Variants in PPP2R2B observed in about 807,000 individuals in gnomAD.
PPP2R2B encodes the protein protein phosphatase 2 regulatory subunit Bbeta.
Under a neutral mutation model 46.0 loss-of-function variants are expected in PPP2R2B, and 5 were observed. The observed-to-expected ratio is 0.11, with a 90% confidence interval of 0.06 to 0.23. The LOEUF is 0.23. Ranked by LOEUF, PPP2R2B falls within the 10% of genes least tolerant of loss-of-function variation. The pLI, the probability that PPP2R2B is intolerant of heterozygous loss-of-function variation, is 1.00. For missense variants in PPP2R2B, 367 were observed against 575.0 expected (o/e 0.64, Z 3.70); for synonymous variants, 215 against 206.7 (o/e 1.04, Z -0.34).
exon 1 of PPP2R2B, chr5:147,055,771 TA>T (rs1444450514): frequency 6.3e-7 from 1 of 1,582,286 alleles, no homozygotes. Flanking sequence ...AAAATCTAAA[TA>T]AAAAAACAGT....
intron 2 of PPP2R2B, among the ~76,000 whole-genome samples, chr5:146,725,708 A>T (rs1391131345): frequency 6.6e-6 from 1 of 152,222 alleles, no homozygotes; most frequent in Non-Finnish European, 1.5e-5. Context: ...CTAAAGCTAA[A>T]TAACTGGCCT....
At chr5:146,677,238 C>T (rs889512183) in intron 5 of PPP2R2B, among the ~76,000 whole-genome samples, 2 of 152,118 alleles carry the variant, frequency 1.3e-5, no homozygotes, top group East Asian at 1.9e-4. Flanking sequence ...TGGATGTTTT[C>T]GCATTAAATA....
At chr5:146,800,720 T>C (rs1273668112) in intron 2 of PPP2R2B, among the ~76,000 whole-genome samples, 2 of 151,946 alleles carry the variant, frequency 1.3e-5, no homozygotes, top group African/African-American at 2.4e-5. Flanking sequence ...TTCGGTCTAA[T>C]CAGCTGTGCT....
At chr5:146,704,731 A>T (rs976361407) in intron 2 of PPP2R2B, among the ~76,000 whole-genome samples, 53 of 150,716 alleles carry the variant, frequency 3.5e-4, no homozygotes, top group African/African-American at 1.3e-3. Flanking sequence ...TGAGTTTATT[A>T]TTTTTTTTTT....
chr5:147,023,317 T>C (rs542090012), intron 1 of PPP2R2B, among the ~76,000 whole-genome samples: 58 of 152,038 alleles, frequency 3.8e-4, no homozygotes, highest in African/African-American at 1.3e-3. Context: ...ATGCCAAAAA[T>C]AATTAATATG....
intron 7 of PPP2R2B, among the ~76,000 whole-genome samples, chr5:146,620,067 T>C (rs1181062413): frequency 6.6e-6 from 1 of 152,134 alleles, no homozygotes; most frequent in Non-Finnish European, 1.5e-5. Context: ...ATATTATGGC[T>C]GAGGAAACAG....
chr5:146,603,147 G>A (rs1039677729), intron 7 of PPP2R2B, among the ~76,000 whole-genome samples: 9 of 152,130 alleles, frequency 5.9e-5, no homozygotes, highest in African/African-American at 1.9e-4. Flanking sequence ...AGCTTGGTAC[G>A]CAGTAGGTCC....
At chr5:146,591,310 G>T (rs322470) in intron 9 of PPP2R2B, among the ~76,000 whole-genome samples, 1 of 152,092 alleles carries the variant, frequency 6.6e-6, no homozygotes, top group African/African-American at 2.4e-5. Flanking sequence ...TTTTGGGCAC[G>T]TTGTCACCTG....
chr5:146,778,044 G>C (rs978084284), intron 2 of PPP2R2B, among the ~76,000 whole-genome samples: 2 of 152,162 alleles, frequency 1.3e-5, no homozygotes, highest in Admixed American at 1.3e-4. Flanking sequence ...CTTTTTAAGA[G>C]TTTAAAGTTC....
chr5:146,640,253 T>C (rs1775107216), intron 6 of PPP2R2B, among the ~76,000 whole-genome samples: 1 of 152,244 alleles, frequency 6.6e-6, no homozygotes, highest in Non-Finnish European at 1.5e-5. Context: ...GAGCTAACAG[T>C]ACATGTTACT....
intron 5 of PPP2R2B, among the ~76,000 whole-genome samples, chr5:146,681,711 G>A (rs191862910): frequency 1.2e-4 from 18 of 152,252 alleles, no homozygotes; most frequent in African/African-American, 4.3e-4. Context: ...GGTTTGGAAT[G>A]GTGACAAGAT....
chr5:146,767,955 A>G (rs1348625238), intron 2 of PPP2R2B, among the ~76,000 whole-genome samples: 2 of 152,216 alleles, frequency 1.3e-5, no homozygotes, highest in Non-Finnish European at 2.9e-5. Context: ...AGCTTTTTCC[A>G]GAGCCATATA....
rs113537602 is a variant in PPP2R2B at position 146,911,693 on chromosome 5, G to A, written c.79+143972C>T. On this transcript the variant is annotated intron_variant, in intron 1 of 8. Coordinates refer to the PPP2R2B transcript ENST00000336640. ...TCTTACTGCTTGTCTTCCTCATAGT[G>A]AACCCAAATACCTCTTCCCTCTATA... 9.7e-4 allele frequency among the ~76,000 whole-genome samples: 147 copies of A among 152,296 alleles called. 1 individual carries two copies. The highest frequency in any genetic ancestry group is 1.6e-3 in the Non-Finnish European group (107 of 68,028).
chr5:146,898,451 T>C (rs933156340), intron 1 of PPP2R2B, among the ~76,000 whole-genome samples: 14 of 152,066 alleles, frequency 9.2e-5, no homozygotes, highest in Non-Finnish European at 2.1e-4. Context: ...ATCCCTTCCT[T>C]ACACCTTATA....
At chr5:146,909,257 A>G (rs1763102782) in intron 1 of PPP2R2B, among the ~76,000 whole-genome samples, 1 of 152,176 alleles carries the variant, frequency 6.6e-6, no homozygotes, top group African/African-American at 2.4e-5. Flanking sequence ...CCACACTAAC[A>G]TCAGAGGGAA....
chr5:146,740,133 T>C (rs1752779134), intron 2 of PPP2R2B, among the ~76,000 whole-genome samples: 1 of 152,184 alleles, frequency 6.6e-6, no homozygotes, highest in South Asian at 2.1e-4. Flanking sequence ...TAGAAAAGAC[T>C]TCTCAGAGGT....
At chr5:146,710,548 A>G (rs1441509995) in intron 2 of PPP2R2B, among the ~76,000 whole-genome samples, 3 of 152,276 alleles carry the variant, frequency 2.0e-5, no homozygotes, top group African/African-American at 7.2e-5. Flanking sequence ...GTCTCTGAGT[A>G]CAGAAAAATC....
rs375346612 is a variant in PPP2R2B, at chr5:147,004,395, A to G, written c.79+51270T>C. Among the ~76,000 whole-genome samples the G allele has an allele frequency of 7.9e-5, 12 of 152,306 alleles. No homozygotes were observed. In the South Asian group the frequency reaches 2.3e-3, roughly 29 times the overall value. The stretch of plus-strand genomic sequence containing the variant: ...TCATCACCCTTGCTGAGCCCTGGGT[A>G]CATTTAACCATTGAGGACCAGGAAA... On this transcript the variant is annotated intron_variant, in intron 1 of 8. Transcript: ENST00000336640.
intron 1 of PPP2R2B, among the ~76,000 whole-genome samples, chr5:147,001,153 C>A (rs187681855): frequency 6.6e-6 from 1 of 152,174 alleles, no homozygotes; most frequent in Admixed American, 6.5e-5. Context: ...ATGGACCAAT[C>A]ACCAGGGTGG....
Sources: gnomAD v4.1 joint callset for allele counts (sites outside exome capture counted in the v4.1 genomes callset) on GRCh38, gnomAD v4.1.1 for gene constraint, MANE v1.5 for transcripts, NCBI Gene and HGNC (gene_info 2026-07-23, HGNC 2026-07-21) for gene names.